ZNF236: variants seen among roughly 807,000 people sequenced by gnomAD.
The protein encoded by ZNF236 is zinc finger protein 236.
ZNF236 carries 50 observed loss-of-function variants against 191.2 expected under a neutral mutation model. The observed-to-expected ratio is 0.26, with a 90% confidence interval of 0.21 to 0.33. The LOEUF (loss-of-function observed/expected upper bound fraction) is 0.33. ZNF236 is among the 10% of genes least tolerant of loss of function. The pLI, the probability that ZNF236 is intolerant of heterozygous loss-of-function variation, is 1.00. For missense variants in ZNF236, 1,754 were observed against 2,374.5 expected (o/e 0.74, Z 5.43); for synonymous variants, 907 against 928.8 (o/e 0.98, Z 0.43).
intron 27 of ZNF236, among the ~76,000 whole-genome samples, chr18:76,951,760 A>G (rs1396924159): frequency 2.0e-5 from 3 of 152,236 alleles, no homozygotes; most frequent in Non-Finnish European, 2.9e-5. Context: ...AGCCTGTCTC[A>G]GCTCTCTGCG....
chr18:76,917,485 T>C (rs1967401346), intron 19 of ZNF236, among the ~76,000 whole-genome samples: 1 of 152,254 alleles, frequency 6.6e-6, no homozygotes, highest in Non-Finnish European at 1.5e-5. Context: ...TTGTATGCCT[T>C]GTTTTCCTTG....
intron 18 of ZNF236, among the ~76,000 whole-genome samples, chr18:76,914,494 G>A (rs990807924): frequency 2.6e-5 from 4 of 152,058 alleles, no homozygotes; most frequent in South Asian, 2.1e-4. Context: ...TGTGGCTGTC[G>A]GATTTGACAG....
chr18:76,824,164 G>A (rs936268880), intron 1 of ZNF236: 12 of 611,430 alleles, frequency 2.0e-5, no homozygotes, highest in Non-Finnish European at 3.3e-5. Flanking sequence ...GGTCGGGCCT[G>A]GAAACTACAA....
intron 5 of ZNF236, among the ~76,000 whole-genome samples, chr18:76,873,949 G>A (rs1158828648): frequency 2.7e-5 from 4 of 149,346 alleles, no homozygotes; most frequent in African/African-American, 1.0e-4. Flanking sequence ...TGTGCCTCCT[G>A]CCCGCCTGTC....
At position 76,881,439 on chromosome 18, in the gene ZNF236, A is replaced by G. The variant is rs1976894005; in HGVS notation, c.1344A>G (p.Lys448=). The part of the protein sequence containing the change: ...QTDPTDAEQE[K]EQESPEKLDK... ...ACCCCACAGACGCAGAGCAAGAAAA[A>G]GAACAGGAAAGCCCGGAGAAACTGG... is the stretch of plus-strand genomic sequence containing the variant. Residue 448 remains lysine (K), a synonymous_variant, in exon 9 of 31, where the codon AAA becomes AAG. Coordinates refer to ENST00000320610, the MANE Select transcript of ZNF236 (RefSeq NM_001306089.2). The G allele has an allele frequency of 6.2e-7, 1 of 1,614,196 alleles. No individual in the cohort carries two copies. Among genetic ancestry groups the G allele is most frequent in the Non-Finnish European group, 8.5e-7 (1 of 1,180,036 alleles).
At position 76,972,800 on chromosome 18, in the gene ZNF236, ATATT is replaced by A. The variant is rs1249372205; in HGVS notation, c.*4468_*4471del. On this transcript the variant is annotated 3_prime_UTR_variant, in exon 31 of 31. Coordinates refer to ENST00000320610, the MANE Select transcript of ZNF236 (RefSeq NM_001306089.2). ...TCATGATCTATTTATACATTGGATG[ATATT>A]TATTTAATCCAGTTTTGTATTAGAA... Among the ~76,000 whole-genome samples, 3 of 152,168 alleles carry A rather than the reference ATATT, an allele frequency of 2.0e-5. No individual in the cohort carries two copies. Among genetic ancestry groups the A allele is most frequent in the Non-Finnish European group, 2.9e-5 (2 of 68,022 alleles).
At chr18:76,864,509 TTACACACACA>T (rs1976344616) in intron 3 of ZNF236, among the ~76,000 whole-genome samples, 1 of 152,026 alleles carries the variant, frequency 6.6e-6, no homozygotes, top group Admixed American at 6.6e-5. Context: ...CAACAAATAT[TTACACACACA>T]TACACACACA....
At position 76,972,069 on chromosome 18, in the gene ZNF236, A is replaced by G. The variant is rs1233908558; in HGVS notation, c.*3730A>G. Among the ~76,000 whole-genome samples the G allele has an allele frequency of 1.3e-5, 2 of 152,238 alleles. No homozygotes were observed. The highest frequency in any genetic ancestry group is 2.9e-5 in the Non-Finnish European group (2 of 68,038). On this transcript the variant is annotated 3_prime_UTR_variant, in exon 31 of 31. Coordinates refer to ENST00000320610, the MANE Select transcript of ZNF236 (RefSeq NM_001306089.2). ...CTGAAGGAAGCGTTCTTTTTGTGTCACTTAATCTGTGTTCACGTAACTTAG... is the reference window on the plus strand; with the variant it reads ...CTGAAGGAAGCGTTCTTTTTGTGTCGCTTAATCTGTGTTCACGTAACTTAG...
At chr18:76,942,353 C>A (rs553003368) in intron 26 of ZNF236, among the ~76,000 whole-genome samples, 51 of 152,138 alleles carry the variant, frequency 3.4e-4, no homozygotes, top group African/African-American at 1.2e-3. Context: ...ATAGAAATTA[C>A]TGTACATATT....
At chr18:76,835,670 A>C (rs948590596) in intron 1 of ZNF236, among the ~76,000 whole-genome samples, 1 of 152,020 alleles carries the variant, frequency 6.6e-6, no homozygotes, top group African/African-American at 2.4e-5. Flanking sequence ...TTGTCTTTCT[A>C]TCCTTATATG....
chr18:76,912,927 A>G (rs996900919), intron 17 of ZNF236, among the ~76,000 whole-genome samples: 2 of 152,242 alleles, frequency 1.3e-5, no homozygotes, highest in Non-Finnish European at 2.9e-5. Context: ...TGCTGGGATT[A>G]CAGGCGTGAG....
rs1267143462 is a variant in ZNF236, at chr18:76,925,218, A to G, written c.3691A>G (p.Ser1231Gly). Reference protein sequence around the residue: ...GQKLFSCHVCSNAFSTKGSLK... With the variant: ...GQKLFSCHVCGNAFSTKGSLK... ...GAAGCTCTTCAGCTGTCACGTCTGC[A>G]GCAACGCCTTCTCCACGAAGGGAAG... Residue 1231 changes from serine (S) to glycine (G), a missense_variant, in exon 22 of 31, where the codon AGC becomes GGC. Physicochemically the swap from Ser to Gly is moderately conservative, Grantham distance 56. Coordinates refer to ENST00000320610, the MANE Select transcript of ZNF236 (RefSeq NM_001306089.2). The surrounding 1 kb of genome is among the most constrained non-coding windows in gnomAD (Gnocchi z 5.7). The G allele has an allele frequency of 1.9e-6, 3 of 1,614,054 alleles. No individual in the cohort carries two copies.
intron 9 of ZNF236, among the ~76,000 whole-genome samples, chr18:76,884,268 G>A (rs893112926): frequency 6.6e-6 from 1 of 152,032 alleles, no homozygotes; most frequent in African/African-American, 2.4e-5. Context: ...GGGTGTGGTA[G>A]CGGGCACCTG....
chr18:76,942,045 T>C (rs999400444), intron 26 of ZNF236, among the ~76,000 whole-genome samples: 1 of 152,216 alleles, frequency 6.6e-6, no homozygotes, highest in African/African-American at 2.4e-5. Flanking sequence ...GCTGTAAATA[T>C]GTAAATTAAA....
At chr18:76,911,784 C>T (rs187889144) in intron 16 of ZNF236, among the ~76,000 whole-genome samples, 146 of 152,224 alleles carry the variant, frequency 9.6e-4, no homozygotes, top group South Asian at 6.2e-3. Context: ...GTTGTAATGC[C>T]GCTGTCAGGA....
chr18:76,871,605 A>G, intron 4 of ZNF236, 96 bp from the exon 5 acceptor site: 1 of 1,459,336 alleles, frequency 6.9e-7, no homozygotes, highest in East Asian at 2.3e-5. Flanking sequence ...GGTTCTGATG[A>G]CTAGTCAGCC....
At chr18:76,967,506 G>C (rs1233320515) in intron 30 of ZNF236, among the ~76,000 whole-genome samples, 233 of 151,848 alleles carry the variant, frequency 1.5e-3, no homozygotes, top group Admixed American at 2.8e-3. Context: ...TGTGAGATTT[G>C]TGATTTGGTG....
At chr18:76,830,594 C>G (rs1253468094) in intron 1 of ZNF236, among the ~76,000 whole-genome samples, 1 of 152,004 alleles carries the variant, frequency 6.6e-6, no homozygotes, top group African/African-American at 2.4e-5. Context: ...CTGTCTTGGG[C>G]CATACATAAA....
At position 76,935,001 on chromosome 18, in the gene ZNF236, T is replaced by C. The variant is rs141062144; in HGVS notation, c.4595-2155T>C. Among the ~76,000 whole-genome samples, 6 of 152,370 alleles carry C rather than the reference T, an allele frequency of 3.9e-5. No homozygotes were observed. The East Asian group carries it at 9.6e-4, about 24-fold the overall frequency. On this transcript the variant is annotated intron_variant, in intron 25 of 30. Coordinates refer to ENST00000320610, the MANE Select transcript of ZNF236 (RefSeq NM_001306089.2). Reference sequence around the variant, plus strand: ...ATAAAGTCAGACTTGTATTGCTCTATACATGCTGGAGGAACAGTGGTTTCA... The same window carrying C: ...ATAAAGTCAGACTTGTATTGCTCTACACATGCTGGAGGAACAGTGGTTTCA...
Sources: gnomAD v4.1 joint callset for allele counts (sites outside exome capture counted in the v4.1 genomes callset) on GRCh38, gnomAD v4.1.1 for gene constraint, Gnocchi (gnomAD v3.1) non-coding constraint, MANE v1.5 for transcripts, NCBI Gene and HGNC (gene_info 2026-07-23, HGNC 2026-07-21) for gene names.